The following CYSTM1 variants were observed in gnomAD, a reference collection of about 807,000 sequenced individuals.
The protein encoded by CYSTM1 is cysteine rich transmembrane module containing 1, also known as cysteine-rich transmembrane module-containing protein 1.
Under a neutral mutation model 13.1 loss-of-function variants are expected in CYSTM1, and 4 were observed. The ratio of observed to expected loss-of-function variants is 0.31; its 90% CI spans 0.15 to 0.70. The LOEUF is 0.70. Ranked by LOEUF, CYSTM1 falls within the 30% of genes least tolerant of loss-of-function variation. The pLI, the probability that CYSTM1 is intolerant of heterozygous loss-of-function variation, is 0.72. For synonymous variants in CYSTM1, 36 were observed against 42.7 expected, an observed-to-expected ratio of 0.84 and a Z score of 0.62; for missense variants, 96 against 121.6, an observed-to-expected ratio of 0.79 and a Z score of 0.99.
intron 2 of CYSTM1, among the ~76,000 whole-genome samples, chr5:140,220,922 G>A (rs1376448569): frequency 6.6e-6 from 1 of 152,158 alleles, no homozygotes; most frequent in Non-Finnish European, 1.5e-5. Flanking sequence ...CTGCTGCTGG[G>A]ACAGAACATC....
At chr5:140,235,408 CTTTT>C (rs11310816) in intron 2 of CYSTM1, among the ~76,000 whole-genome samples, 2 of 139,506 alleles carry the variant, frequency 1.4e-5, no homozygotes, top group Non-Finnish European at 1.6e-5. Context: ...AAAAACTTTC[CTTTT>C]TTTTTTTTTT....
At chr5:140,181,048 T>C (rs1234489756) in intron 1 of CYSTM1, among the ~76,000 whole-genome samples, 1 of 152,200 alleles carries the variant, frequency 6.6e-6, no homozygotes, top group Middle Eastern at 3.2e-3. Context: ...TGGGAAACAG[T>C]TGAACTACAA....
At chr5:140,179,786 G>A (rs770451383) in intron 1 of CYSTM1, among the ~76,000 whole-genome samples, 2 of 151,106 alleles carry the variant, frequency 1.3e-5, no homozygotes, top group Admixed American at 6.6e-5. Flanking sequence ...TCAGCCTCCC[G>A]AGTAGCTGGG....
At chr5:140,187,097 GC>G (rs1340157689) in intron 1 of CYSTM1, among the ~76,000 whole-genome samples, 4 of 152,052 alleles carry the variant, frequency 2.6e-5, no homozygotes, top group Non-Finnish European at 1.5e-5. Context: ...CTGCCCTCCA[GC>G]CTGGGCGACA....
chr5:140,226,532 T>TTA (rs1299039051), intron 2 of CYSTM1, among the ~76,000 whole-genome samples: 4 of 117,158 alleles, frequency 3.4e-5, no homozygotes, highest in South Asian at 5.0e-4. Flanking sequence ...TATAATATAT[T>TTA]TATATATATT....
At chr5:140,236,061 G>A (rs1264490114) in intron 2 of CYSTM1, among the ~76,000 whole-genome samples, 1 of 152,200 alleles carries the variant, frequency 6.6e-6, no homozygotes, top group Non-Finnish European at 1.5e-5. Context: ...CTAAAGTCTT[G>A]TGTAACAGAA....
chr5:140,238,756 G>C (rs1023247403), intron 2 of CYSTM1, among the ~76,000 whole-genome samples: 1 of 152,196 alleles, frequency 6.6e-6, no homozygotes, highest in African/African-American at 2.4e-5. Flanking sequence ...CTCTGCATCT[G>C]AGCAGTAAAG....
chr5:140,214,553 C>T (rs1211911843), intron 2 of CYSTM1, among the ~76,000 whole-genome samples: 2 of 152,184 alleles, frequency 1.3e-5, no homozygotes, highest in Non-Finnish European at 2.9e-5. Flanking sequence ...ACCAGATGGC[C>T]TTGCTTCATT....
intron 2 of CYSTM1, among the ~76,000 whole-genome samples, chr5:140,215,251 C>T (rs1016337971): frequency 2.0e-5 from 3 of 152,246 alleles, no homozygotes; most frequent in African/African-American, 7.2e-5. Context: ...TCCTTGGAGC[C>T]ACAGAGTTGA....
intron 2 of CYSTM1, among the ~76,000 whole-genome samples, chr5:140,209,850 G>A (rs978346919): frequency 2.0e-5 from 3 of 152,102 alleles, no homozygotes; most frequent in East Asian, 1.9e-4. Flanking sequence ...GTGAGCCACC[G>A]CGCCTGGCTG....
At chr5:140,196,390 CAG>C (rs1439494200) in intron 2 of CYSTM1, among the ~76,000 whole-genome samples, 1 of 152,138 alleles carries the variant, frequency 6.6e-6, no homozygotes, top group East Asian at 1.9e-4. Context: ...AAAGTAATAA[CAG>C]AATTGATGGC....
intron 2 of CYSTM1, among the ~76,000 whole-genome samples, chr5:140,204,143 C>G (rs7707814): frequency 0.23 from 35,108 of 151,858 alleles, 4,091 homozygotes; most frequent in African/African-American, 0.25. Flanking sequence ...GAGACAGGAG[C>G]ATCGCTTGAG....
At chr5:140,212,996 TATATATATATATATGA>T (rs1764387750) in intron 2 of CYSTM1, among the ~76,000 whole-genome samples, 2 of 138,782 alleles carry the variant, frequency 1.4e-5, no homozygotes, top group East Asian at 4.1e-4. Flanking sequence ...TATATATATA[TATATATATATATATGA>T]GAGAGAGAGA....
At chr5:140,237,024 T>C (rs10055141) in intron 2 of CYSTM1, among the ~76,000 whole-genome samples, 35,104 of 151,846 alleles carry the variant, frequency 0.23, 4,084 homozygotes, top group African/African-American at 0.25. Flanking sequence ...CACCCAGGAG[T>C]TCCCTCACAC....
At position 140,219,088 on chromosome 5, in the gene CYSTM1, C is replaced by G. The variant is rs1354463739; in HGVS notation, c.188-24217C>G. On this transcript the variant is annotated intron_variant, in intron 2 of 2. Coordinates refer to ENST00000261811, the MANE Select transcript of CYSTM1 (RefSeq NM_032412.4). The surrounding 1 kb of genome is among the most constrained non-coding windows in gnomAD (Gnocchi z 4.1). ...TGGAAGGGAGTTGTTTCCCTAAACT[C>G]TGGCCCTGTCTTCCAGGGCCAGAGT... Among the ~76,000 whole-genome samples the G allele has an allele frequency of 6.6e-6, 1 of 152,170 alleles. No homozygotes were observed. Among genetic ancestry groups the G allele is most frequent in the African/African-American group, 2.4e-5 (1 of 41,440 alleles).
chr5:140,198,055 G>A (rs958150368), intron 2 of CYSTM1, among the ~76,000 whole-genome samples: 6 of 152,166 alleles, frequency 3.9e-5, no homozygotes, highest in Admixed American at 3.9e-4. Flanking sequence ...GTGCTTGTAG[G>A]AATAAGGTCT....
In CYSTM1 at chr5:140,175,630, G is replaced by C. The variant is rs1461783676; in HGVS notation, c.-21+345G>C. ...GGGGCTCGCCACACCCCGTCCCGGGGGACGTCCGCGGGAGGCTTCTGGATT... is the reference window on the plus strand; with the variant it reads ...GGGGCTCGCCACACCCCGTCCCGGGCGACGTCCGCGGGAGGCTTCTGGATT... On this transcript the variant is annotated intron_variant, in intron 1 of 2. Coordinates refer to ENST00000261811, the MANE Select transcript of CYSTM1 (RefSeq NM_032412.4). The surrounding 1 kb of genome is among the most constrained non-coding windows in gnomAD (Gnocchi z 4.9). 1.3e-5 allele frequency among the ~76,000 whole-genome samples: 2 copies of C among 152,266 alleles called. No individual in the cohort carries two copies. Among genetic ancestry groups the C allele is most frequent in the Non-Finnish European group, 2.9e-5 (2 of 68,050 alleles).
At chr5:140,179,216 C>T (rs113506396) in intron 1 of CYSTM1, among the ~76,000 whole-genome samples, 26 of 151,330 alleles carry the variant, frequency 1.7e-4, no homozygotes, top group African/African-American at 5.3e-4. Context: ...ACCATGATCA[C>T]GCCACCGCAC....
chr5:140,176,461 T>G (rs956868741), intron 1 of CYSTM1, among the ~76,000 whole-genome samples: 1 of 152,196 alleles, frequency 6.6e-6, no homozygotes, highest in Non-Finnish European at 1.5e-5. Context: ...TTTTAAAAAT[T>G]CCTTTTTATG....
Sources: allele counts gnomAD v4.1 joint callset (sites outside exome capture counted in the v4.1 genomes callset), GRCh38; gene constraint gnomAD v4.1.1; non-coding constraint Gnocchi (gnomAD v3.1); transcripts MANE v1.5; gene names NCBI Gene and HGNC (gene_info 2026-07-23, HGNC 2026-07-21).